Variants in VIRMA observed in about 807,000 individuals in gnomAD.
The protein encoded by VIRMA is protein virilizer homolog.
A neutral mutation model predicts 182.4 loss-of-function variants in VIRMA; 65 were observed. The ratio of observed to expected loss-of-function variants is 0.36; its 90% confidence interval spans 0.29 to 0.44. The LOEUF is 0.44. Ranked by LOEUF, VIRMA falls within the 20% of genes least tolerant of loss-of-function variation. The pLI, the probability that VIRMA is intolerant of heterozygous loss-of-function variation, is 1.00. For missense variants in VIRMA, 1,752 were observed against 2,158.1 expected (o/e 0.81, Z 3.73); for synonymous variants, 709 against 743.1 (o/e 0.95, Z 0.75).
At chr8:94,492,912 T>C (rs577236481) in intron 20 of VIRMA, 94 bp from the exon 21 acceptor site, 33 of 1,020,786 alleles carry the variant, frequency 3.2e-5, no homozygotes, top group Non-Finnish European at 4.2e-5. Context: ...AAATTATATT[T>C]GCCTCTCATA....
At chr8:94,507,560 G>C (rs1003209932) in intron 15 of VIRMA, among the ~76,000 whole-genome samples, 1 of 151,996 alleles carries the variant, frequency 6.6e-6, no homozygotes, top group Non-Finnish European at 1.5e-5. Flanking sequence ...TTCAAGACGA[G>C]CCTGGCCAAC....
chr8:94,547,752 T>A (rs991451412), intron 1 of VIRMA, among the ~76,000 whole-genome samples: 1 of 150,592 alleles, frequency 6.6e-6, no homozygotes, highest in Non-Finnish European at 1.5e-5. Context: ...TGTATGAGAA[T>A]TTAGTATATA....
At chr8:94,511,823 AATT>A (rs1217059541) in intron 12 of VIRMA, 94 bp from the exon 13 acceptor site, 49 of 727,406 alleles carry the variant, frequency 6.7e-5, no homozygotes, top group Non-Finnish European at 8.7e-5. Flanking sequence ...TATTTATGAT[AATT>A]ATATTTATAA....
Position 94,489,953 on chromosome 8 carries a change from G to A in VIRMA, c.5270C>T (p.Pro1757Leu). 1 of 1,613,704 alleles carries A rather than the reference G, an allele frequency of 6.2e-7. No individual in the cohort carries two copies. Among genetic ancestry groups the A allele is most frequent in the African/African-American group, 1.3e-5 (1 of 74,936 alleles). ...FNRGPLPPLR[P>L]LSSTGYRPSP... Reference sequence around the variant, plus strand: ...AGGATGTATACCTGTAGAACTAAGGGGTCGTAATGGTGGAAGAGGGCCTCT... The same window carrying A: ...AGGATGTATACCTGTAGAACTAAGGAGTCGTAATGGTGGAAGAGGGCCTCT... Residue 1757 changes from proline to leucine, a missense_variant, in exon 23 of 24, where the codon CCC becomes CTC. This residue lies in a region of VIRMA where 132 missense variants were observed against 173.8 expected (regional missense o/e 0.76). Transcript: ENST00000297591.
At position 94,526,381 on chromosome 8, in the gene VIRMA, T is replaced by C; in HGVS notation, c.1863A>G (p.Glu621=). 6.2e-7 allele frequency: 1 copy of C among 1,614,138 alleles called. No homozygotes were observed. Among genetic ancestry groups the C allele is most frequent in the Non-Finnish European group, 8.5e-7 (1 of 1,180,006 alleles). The change falls in exon 8 of 24, where the codon GAA becomes GAG. Residue 621 remains glutamate (E), a synonymous_variant. Transcript: ENST00000297591. ...MDLLESSNIS[E]GEIERLINLL... is the part of the protein sequence containing the mutation. ...GGTTAATAAGCCTTTCTATTTCCCC[T>C]TCACTTATATTTGAGGATTCCAAAA...
intron 15 of VIRMA, among the ~76,000 whole-genome samples, chr8:94,506,998 T>C (rs1814174193): frequency 6.6e-6 from 1 of 152,138 alleles, no homozygotes; most frequent in South Asian, 2.1e-4. Flanking sequence ...TCTTTCAGTA[T>C]TGCAGTAAGT....
At chr8:94,520,372 G>A (rs1474401851) in intron 8 of VIRMA, among the ~76,000 whole-genome samples, 1 of 152,004 alleles carries the variant, frequency 6.6e-6, no homozygotes, top group Admixed American at 6.6e-5. Context: ...GCCCATGCCT[G>A]TAGTCCCAGC....
At chr8:94,539,472 T>C (rs1815464552) in intron 2 of VIRMA, among the ~76,000 whole-genome samples, 1 of 152,196 alleles carries the variant, frequency 6.6e-6, no homozygotes, top group Admixed American at 6.5e-5. Context: ...CATAGCACCC[T>C]TGGTTGAAAT....
rs370751977 is a variant in VIRMA at position 94,529,316 on chromosome 8, G to A, written c.634C>T (p.Pro212Ser). The A allele has an allele frequency of 4.6e-5, 74 of 1,611,066 alleles. No homozygotes were observed. The highest frequency in any genetic ancestry group is 1.2e-4 in the Admixed American group (7 of 59,982). Residue 212 changes from proline to serine, a missense_variant, in exon 7 of 24, where the codon CCT (proline) becomes TCT (serine). This residue lies in a region of VIRMA where 114 missense variants were observed against 106.9 expected (regional missense o/e 1.07). Coordinates refer to ENST00000297591, the MANE Select transcript of VIRMA (RefSeq NM_015496.5). ...GGCTCAAAGTAATCTTCTCTATGAG[G>A]AGCATCCTCTTCCTTGTCACCAGAC... ...PVSGDKEEDA[P>S]HREDYFEPIS...
chr8:94,513,913 T>C (rs1275465579), intron 11 of VIRMA, among the ~76,000 whole-genome samples: 2 of 151,570 alleles, frequency 1.3e-5, no homozygotes, highest in Admixed American at 1.3e-4. Context: ...CTTAGGAGAG[T>C]TGGAGTACAA....
Position 94,524,778 on chromosome 8 carries a change from C to A in VIRMA, c.2021+1445G>T, listed in dbSNP as rs533582124. 1.3e-4 allele frequency among the ~76,000 whole-genome samples: 20 copies of A among 152,338 alleles called. No homozygotes were observed. The East Asian group carries it at 3.7e-3, about 28-fold the overall frequency. The stretch of plus-strand genomic sequence containing the variant: ...CTTCCTCTCCCACTGCTACATTAAA[C>A]TACTTTTGCCAGAGCCCCATTTGCA... On this transcript the variant is annotated intron_variant, in intron 8 of 23. Coordinates refer to ENST00000297591, the MANE Select transcript of VIRMA (RefSeq NM_015496.5).
At chr8:94,546,812 C>G (rs1815784283) in intron 1 of VIRMA, 1 of 407,294 alleles carries the variant, frequency 2.5e-6, no homozygotes, top group Non-Finnish European at 4.9e-6. Context: ...CATTCTCCTA[C>G]TGAAGTATGG....
At position 94,509,838 on chromosome 8, in the gene VIRMA, C is replaced by A; in HGVS notation, c.3729G>T (p.Leu1243Phe). 6.2e-7 allele frequency: 1 copy of A among 1,613,886 alleles called. No individual in the cohort carries two copies. The highest frequency in any genetic ancestry group is 1.1e-5 in the South Asian group (1 of 91,072). The change falls in exon 15 of 24, where the codon TTG becomes TTT. Residue 1243 changes from leucine to phenylalanine, a missense_variant. This residue lies in a region of VIRMA where 777 missense variants were observed against 920.6 expected (regional missense o/e 0.84). Transcript: ENST00000297591. ...ASHKACKLAI[L>F]HLINGTIKGD... Reference sequence around the variant, plus strand: ...CTTTAATAGTTCCATTAATTAGATGCAAAATAGCTAATTTACAAGCTTTGT... The same window carrying A: ...CTTTAATAGTTCCATTAATTAGATGAAAAATAGCTAATTTACAAGCTTTGT...
At chr8:94,513,549 G>C (rs968801475) in intron 11 of VIRMA, among the ~76,000 whole-genome samples, 15 of 151,928 alleles carry the variant, frequency 9.9e-5, no homozygotes, top group African/African-American at 3.6e-4. Flanking sequence ...TTCAGTCTTG[G>C]ATCAACTTTT....
chr8:94,490,209 T>A, intron 22 of VIRMA, 127 bp from the exon 23 acceptor site: 1 of 1,032,620 alleles, frequency 9.7e-7, no homozygotes, highest in Non-Finnish European at 1.4e-6. Context: ...CTGACTGTAC[T>A]ATATAGTGGC....
chr8:94,537,189 A>G (rs376786167), intron 3 of VIRMA, 38 bp from the exon 4 acceptor site: 99 of 1,214,042 alleles, frequency 8.2e-5, no homozygotes, highest in Non-Finnish European at 1.1e-4. Flanking sequence ...AAGCTCAAAC[A>G]CTGAACATCA....
Position 94,526,676 on chromosome 8 carries a change from C to T in VIRMA, c.1568G>A (p.Gly523Asp). 3 of 1,613,924 alleles carry T rather than the reference C, an allele frequency of 1.9e-6. No individual in the cohort carries two copies. The highest frequency in any genetic ancestry group is 2.5e-6 in the Non-Finnish European group (3 of 1,180,006). ...ATAACCACTTTTTTCATTCTGCCTA[C>T]CTCTTAAAAAAGCTTCCATTCCTTC... ...MTEGMEAFLRGRQNEKSGYQK... is the reference protein window; with the variant it reads ...MTEGMEAFLRDRQNEKSGYQK... The change falls in exon 8 of 24, where the codon GGT (glycine) becomes GAT (aspartate). Residue 523 changes from glycine to aspartate, a missense_variant. Transcript: ENST00000297591.
chr8:94,499,837 G>C (rs1210232889), intron 16 of VIRMA, among the ~76,000 whole-genome samples: 1 of 151,694 alleles, frequency 6.6e-6, no homozygotes, highest in Non-Finnish European at 1.5e-5. Context: ...TTGAGGTCAG[G>C]AGTTTAAGAG....
intron 1 of VIRMA, among the ~76,000 whole-genome samples, chr8:94,553,135 A>G (rs1243833893): frequency 6.6e-6 from 1 of 152,122 alleles, no homozygotes; most frequent in Non-Finnish European, 1.5e-5. Context: ...AAAATAAAAA[A>G]TAAAGCCATG....
Sources: allele counts gnomAD v4.1 joint callset (sites outside exome capture counted in the v4.1 genomes callset), GRCh38; gene constraint gnomAD v4.1.1; regional missense constraint gnomAD v4.1.1; transcripts MANE v1.5; gene names NCBI Gene and HGNC (gene_info 2026-07-23, HGNC 2026-07-21).